Variants in DRC10 observed in about 807,000 individuals in gnomAD.
DRC10 encodes the protein IQ domain-containing protein D.
At chr12:113,215,750 A>C in the DRC10 span, among the ~76,000 whole-genome samples, 14 of 152,216 alleles carry the variant, frequency 9.2e-5, no homozygotes, top group African/African-American at 3.4e-4. Context: ...TTTCAGACAG[A>C]AGGAAGAATT....
the DRC10 span, chr12:113,195,805 C>T: frequency 3.2e-5 from 51 of 1,613,892 alleles, no homozygotes; most frequent in Admixed American, 8.3e-5. Context: ...GCAAACTCTC[C>T]CACCAGCACT....
At chr12:113,207,978 C>T in the DRC10 span, 1 of 1,614,230 alleles carries the variant, frequency 6.2e-7, no homozygotes, top group Non-Finnish European at 8.5e-7. Flanking sequence ...TCACCAGCTC[C>T]ACCTTGTAGA....
At chr12:113,196,490 AAGC>A in the DRC10 span, among the ~76,000 whole-genome samples, 1 of 152,128 alleles carries the variant, frequency 6.6e-6, no homozygotes, top group African/African-American at 2.4e-5. Context: ...CATCTACAAA[AAGC>A]AGAGCACTGC....
chr12:113,212,391 A>G, the DRC10 span, among the ~76,000 whole-genome samples: 2,563 of 152,222 alleles, frequency 0.017, 57 homozygotes, highest in African/African-American at 0.058. Context: ...TGTAAGTGAA[A>G]AAAAAGTTTT....
the DRC10 span, chr12:113,207,607 A>G: frequency 1.9e-6 from 3 of 1,614,146 alleles, no homozygotes; most frequent in African/African-American, 1.3e-5. Context: ...GAGCTCTATC[A>G]GGCTGTCAAT....
chr12:113,220,195 G>A, the DRC10 span, among the ~76,000 whole-genome samples: 3 of 152,146 alleles, frequency 2.0e-5, no homozygotes, highest in Non-Finnish European at 4.4e-5. Flanking sequence ...TCTTAAGGAT[G>A]GAGATGGGAG....
the DRC10 span, among the ~76,000 whole-genome samples, chr12:113,201,047 G>A: frequency 6.6e-6 from 1 of 152,132 alleles, no homozygotes; most frequent in Non-Finnish European, 1.5e-5. Flanking sequence ...GCTGAGGCAG[G>A]AGAATCACTT....
chr12:113,197,094 G>A, the DRC10 span, among the ~76,000 whole-genome samples: 2 of 152,156 alleles, frequency 1.3e-5, no homozygotes, highest in Admixed American at 1.3e-4. Flanking sequence ...AGGGGTGCTG[G>A]CAGGAGCCCA....
the DRC10 span, among the ~76,000 whole-genome samples, chr12:113,206,782 G>A: frequency 2.6e-5 from 4 of 151,670 alleles, no homozygotes; most frequent in East Asian, 1.9e-4. Context: ...TGGGGAGGCC[G>A]GGCATAGTGG....
chr12:113,200,563 G>A, the DRC10 span: 9 of 1,391,112 alleles, frequency 6.5e-6, no homozygotes, highest in Admixed American at 4.2e-5. Context: ...GCCCATCCTC[G>A]CTGCTTCCCG....
the DRC10 span, chr12:113,199,950 A>G: frequency 4.9e-6 from 1 of 202,474 alleles, no homozygotes; most frequent in South Asian, 7.3e-5. Context: ...CAGTGGTGCA[A>G]TCACAGCTCA....
the DRC10 span, among the ~76,000 whole-genome samples, chr12:113,204,698 T>C: frequency 6.6e-6 from 1 of 151,562 alleles, no homozygotes; most frequent in Non-Finnish European, 1.5e-5. Flanking sequence ...AGGTGGGAGG[T>C]GGGAGGATCA....
chr12:113,205,290 T>C, the DRC10 span, among the ~76,000 whole-genome samples: 2 of 151,590 alleles, frequency 1.3e-5, no homozygotes, highest in African/African-American at 2.4e-5. Flanking sequence ...CCCAGCACTT[T>C]GGGAGGCCAA....
the DRC10 span, among the ~76,000 whole-genome samples, chr12:113,204,285 C>T: frequency 6.6e-6 from 1 of 152,306 alleles, no homozygotes; most frequent in South Asian, 2.1e-4. Flanking sequence ...CCTCAAAGGC[C>T]CTGTGTGATC....
the DRC10 span, among the ~76,000 whole-genome samples, chr12:113,220,253 A>G: frequency 2.0e-5 from 3 of 152,164 alleles, no homozygotes; most frequent in Middle Eastern, 6.8e-3. Flanking sequence ...AATAAAAATT[A>G]CCTAATTTAT....
At chr12:113,197,489 C>A in the DRC10 span, 5 of 1,275,786 alleles carry the variant, frequency 3.9e-6, no homozygotes, top group Non-Finnish European at 4.4e-6. Flanking sequence ...CATCCCATTC[C>A]TAGAAGGTCT....
the DRC10 span, among the ~76,000 whole-genome samples, chr12:113,206,802 G>A: frequency 1.3e-5 from 2 of 151,776 alleles, no homozygotes; most frequent in African/African-American, 2.4e-5. Context: ...GCTCATGCCT[G>A]TAACCCCAGC....
At chr12:113,210,579 T>C in the DRC10 span, among the ~76,000 whole-genome samples, 2 of 131,118 alleles carry the variant, frequency 1.5e-5, no homozygotes, top group East Asian at 4.4e-4. Context: ...CCAGGCAACA[T>C]AGCAAGTCCC....
chr12:113,207,506 T>A, the DRC10 span: 1 of 1,614,114 alleles, frequency 6.2e-7, no homozygotes, highest in South Asian at 1.1e-5. Context: ...TGTTGGTTAT[T>A]ACTATTCTGT....
Sources: allele counts gnomAD v4.1 joint callset (sites outside exome capture counted in the v4.1 genomes callset), GRCh38; gene constraint gnomAD v4.1.1; transcripts MANE v1.5; gene names NCBI Gene and HGNC (gene_info 2026-07-23, HGNC 2026-07-21).